The following MEI4 variants were observed in gnomAD, a reference collection of about 807,000 sequenced individuals.
The protein encoded by MEI4 is meiotic double-stranded break formation protein 4, also known as meiosis-specific protein MEI4.
Under a neutral mutation model 31.4 loss-of-function variants are expected in MEI4, and 27 were observed. The observed-to-expected ratio is 0.86, with a 90% CI of 0.63 to 1.19. The LOEUF is 1.19. MEI4 is among the 50% of genes most tolerant of loss of function. MEI4 has a pLI of 0.00. For missense variants in MEI4, 329 were observed against 398.9 expected, an observed-to-expected ratio of 0.82 and a Z score of 1.49; for synonymous variants, 122 against 145.4, an observed-to-expected ratio of 0.84 and a Z score of 1.16.
At chr6:77,826,060 A>T (rs1163759501) in intron 3 of MEI4, among the ~76,000 whole-genome samples, 2 of 152,166 alleles carry the variant, frequency 1.3e-5, no homozygotes, top group African/African-American at 2.4e-5. Flanking sequence ...ACCAGTTGGA[A>T]CTATAAGTAC....
intron 4 of MEI4, among the ~76,000 whole-genome samples, chr6:77,859,637 A>T (rs1347796226): frequency 1.3e-5 from 2 of 151,858 alleles, no homozygotes; most frequent in African/African-American, 4.8e-5. Flanking sequence ...GCTTTTTTTC[A>T]TATGTTTTTT....
intron 2 of MEI4, among the ~76,000 whole-genome samples, chr6:77,710,520 CAAAAAAAAAAAAAA>C (rs1198470708): frequency 3.5e-5 from 2 of 57,738 alleles, no homozygotes; most frequent in East Asian, 1.4e-3. Flanking sequence ...GACTCCATCT[CAAAAAAAAAAAAAA>C]AAAAAAAAGA....
At chr6:77,846,124 T>C (rs1232845775) in intron 4 of MEI4, among the ~76,000 whole-genome samples, 2 of 152,042 alleles carry the variant, frequency 1.3e-5, no homozygotes, top group African/African-American at 4.8e-5. Context: ...TTGTTTTTTC[T>C]TTTTTTGAGA....
intron 2 of MEI4, among the ~76,000 whole-genome samples, chr6:77,714,924 A>G (rs1766545989): frequency 6.6e-6 from 1 of 152,124 alleles, no homozygotes; most frequent in Non-Finnish European, 1.5e-5. Flanking sequence ...CCTGTGTTTG[A>G]CAGAAATGCC....
chr6:77,714,463 A>G (rs902744973), intron 2 of MEI4, among the ~76,000 whole-genome samples: 2 of 152,190 alleles, frequency 1.3e-5, no homozygotes, highest in African/African-American at 4.8e-5. Flanking sequence ...ACTGTGAAAA[A>G]CAACATTTCC....
chr6:77,801,049 A>G (rs1056907477), intron 3 of MEI4, among the ~76,000 whole-genome samples: 3 of 152,196 alleles, frequency 2.0e-5, no homozygotes, highest in Non-Finnish European at 2.9e-5. Context: ...ATTGATTGGA[A>G]TAATTTCAGA....
intron 4 of MEI4, among the ~76,000 whole-genome samples, chr6:77,856,536 G>A (rs1017021982): frequency 8.7e-6 from 1 of 114,746 alleles, no homozygotes; most frequent in Non-Finnish European, 1.7e-5. Context: ...ATAGAGTAAT[G>A]AAAACCACCT....
At chr6:77,807,762 A>AT (rs994755965) in intron 3 of MEI4, among the ~76,000 whole-genome samples, 2 of 152,102 alleles carry the variant, frequency 1.3e-5, no homozygotes, top group Non-Finnish European at 2.9e-5. Flanking sequence ...AGACATTCTG[A>AT]TTTTATGGTT....
At chr6:77,920,794 G>T (rs1017213796) in intron 4 of MEI4, among the ~76,000 whole-genome samples, 5 of 151,920 alleles carry the variant, frequency 3.3e-5, no homozygotes, top group African/African-American at 1.2e-4. Context: ...GCTTTTGGAT[G>T]ATCAGGTGTG....
chr6:77,919,487 G>A (rs1470384877), intron 4 of MEI4, among the ~76,000 whole-genome samples: 2 of 151,920 alleles, frequency 1.3e-5, no homozygotes, highest in Non-Finnish European at 2.9e-5. Context: ...TCTTTGGGAT[G>A]CATTCAAAGC....
chr6:77,923,740 T>C lies in MEI4; in HGVS notation c.*394T>C. 1 of 153,192 alleles carries C rather than the reference T, an allele frequency of 6.5e-6. No homozygotes were observed. The allele number at this position is 153,192 out of a possible 1,614,324, so 9.5% of individuals were successfully genotyped here. A position where few individuals can be genotyped will look rare whatever the true frequency, so the allele number is the denominator to read the frequency against. Reference sequence around the variant, plus strand: ...AGATTTTTAAAGAAGTTTAGTTGCATTATCAACACAAAGTGTTGGAATATA... The same window carrying C: ...AGATTTTTAAAGAAGTTTAGTTGCACTATCAACACAAAGTGTTGGAATATA... On this transcript the variant is annotated 3_prime_UTR_variant, in exon 5 of 5. Coordinates refer to ENST00000684080, the MANE Select transcript of MEI4 (RefSeq NM_001322247.2).
At chr6:77,712,808 A>T (rs979024475) in intron 2 of MEI4, among the ~76,000 whole-genome samples, 2 of 152,006 alleles carry the variant, frequency 1.3e-5, no homozygotes, top group African/African-American at 2.4e-5. Context: ...CGTCTCTACT[A>T]AAAATACAAA....
intron 1 of MEI4, among the ~76,000 whole-genome samples, chr6:77,679,528 A>G (rs1768912323): frequency 1.8e-5 from 1 of 56,790 alleles, no homozygotes; most frequent in Non-Finnish European, 3.5e-5. Context: ...AAATTGCCTA[A>G]GGATGGATTT....
At chr6:77,702,013 C>T (rs1218370024) in intron 2 of MEI4, among the ~76,000 whole-genome samples, 1 of 152,196 alleles carries the variant, frequency 6.6e-6, no homozygotes, top group African/African-American at 2.4e-5. Flanking sequence ...ACTGAATTCT[C>T]ACTGTTCCAT....
At chr6:77,880,517 A>T (rs1480066934) in intron 4 of MEI4, among the ~76,000 whole-genome samples, 1 of 152,188 alleles carries the variant, frequency 6.6e-6, no homozygotes, top group Non-Finnish European at 1.5e-5. Context: ...TTTAATGATA[A>T]ATTTTGGGAG....
chr6:77,880,025 T>C (rs1304967294), intron 4 of MEI4, among the ~76,000 whole-genome samples: 1 of 152,224 alleles, frequency 6.6e-6, no homozygotes. Flanking sequence ...GAAAAGTCAC[T>C]GAGAAGCAGT....
intron 4 of MEI4, among the ~76,000 whole-genome samples, chr6:77,919,534 C>T (rs892332524): frequency 1.3e-5 from 2 of 151,830 alleles, no homozygotes; most frequent in Non-Finnish European, 2.9e-5. Flanking sequence ...TAAATACCCA[C>T]AAGAGAAAGC....
intron 3 of MEI4, among the ~76,000 whole-genome samples, chr6:77,780,802 G>T (rs1768575898): frequency 6.6e-6 from 1 of 152,020 alleles, no homozygotes; most frequent in Non-Finnish European, 1.5e-5. Context: ...GAATTGATGA[G>T]TATCTAATGT....
intron 3 of MEI4, among the ~76,000 whole-genome samples, chr6:77,805,914 ATC>A (rs1769420490): frequency 6.6e-6 from 1 of 152,098 alleles, no homozygotes; most frequent in Non-Finnish European, 1.5e-5. Context: ...AAGTTATAAA[ATC>A]TCTTTCTCTT....
Sources: gnomAD v4.1 joint callset for allele counts (sites outside exome capture counted in the v4.1 genomes callset) on GRCh38, gnomAD v4.1.1 for gene constraint, MANE v1.5 for transcripts, NCBI Gene and HGNC (gene_info 2026-07-23, HGNC 2026-07-21) for gene names.